The following PLEKHG4B variants were observed in gnomAD, a reference collection of about 807,000 sequenced individuals.
PLEKHG4B encodes pleckstrin homology domain-containing family G member 4B.
Under a neutral mutation model 121.3 loss-of-function variants are expected in PLEKHG4B, and 111 were observed. That is an observed-to-expected ratio of 0.92 (90% CI 0.78 to 1.07). The LOEUF (loss-of-function observed/expected upper bound fraction) is 1.07. PLEKHG4B is among the 50% of genes least tolerant of loss of function. The pLI, the probability that PLEKHG4B is intolerant of heterozygous loss-of-function variation, is 0.00. For missense variants in PLEKHG4B, 1,831 were observed against 1,757.8 expected (o/e 1.04, Z -0.74); for synonymous variants, 738 against 725.0 (o/e 1.02, Z -0.29).
rs373590005 is a variant in PLEKHG4B, at chr5:164,916, C to T, written c.3476+1368C>T. Among the ~76,000 whole-genome samples, 25 of 57,076 alleles carry T rather than the reference C, an allele frequency of 4.4e-4. 2 individuals carry two copies. The East Asian group carries it at 7.8e-3, about 18-fold the overall frequency. 37.4% of individuals were successfully genotyped at this position (57,076 alleles called of 152,430 possible). Reference sequence around the variant, plus strand: ...CTCACACAGTAATGCTGTGACGGGGCGGAGCTCACACTAATGCTGTGACGG... The same window carrying T: ...CTCACACAGTAATGCTGTGACGGGGTGGAGCTCACACTAATGCTGTGACGG... On this transcript the variant is annotated intron_variant, in intron 13 of 19. Coordinates refer to ENST00000637938, the MANE Select transcript of PLEKHG4B (RefSeq NM_052909.5).
chr5:136,153 C>T (rs1463299937), intron 2 of PLEKHG4B, among the ~76,000 whole-genome samples: 1 of 152,136 alleles, frequency 6.6e-6, no homozygotes, highest in Non-Finnish European at 1.5e-5. Context: ...ACCTAAACCC[C>T]ATTTACAAAA....
intron 1 of PLEKHG4B, among the ~76,000 whole-genome samples, chr5:105,838 C>G (rs1027140154): frequency 6.6e-6 from 1 of 152,140 alleles, no homozygotes; most frequent in East Asian, 1.9e-4. Flanking sequence ...ATCAACTGCT[C>G]TCCTGCAGAA....
At position 108,284 on chromosome 5, in the gene PLEKHG4B, C is replaced by A. The variant is rs1344928837; in HGVS notation, c.46-4967C>A. On this transcript the variant is annotated intron_variant, in intron 1 of 19. Coordinates refer to ENST00000637938, the MANE Select transcript of PLEKHG4B (RefSeq NM_052909.5). ...TCTTCAAAGAACGTAGAACAGAAAC[C>A]CAGAGAGGCAAGGCACACTCCCTTC... 3.3e-5 allele frequency among the ~76,000 whole-genome samples: 5 copies of A among 152,192 alleles called. No individual in the cohort carries two copies. The South Asian group carries it at 6.2e-4, about 19-fold the overall frequency.
chr5:148,409 CAA>C (rs1162296470), intron 6 of PLEKHG4B, among the ~76,000 whole-genome samples: 2 of 149,458 alleles, frequency 1.3e-5, no homozygotes, highest in African/African-American at 4.9e-5. Flanking sequence ...AGTCAACACA[CAA>C]ATATCAGTCA....
At chr5:94,861 C>T (rs2126323999) in intron 1 of PLEKHG4B, among the ~76,000 whole-genome samples, 1 of 152,224 alleles carries the variant, frequency 6.6e-6, no homozygotes, top group East Asian at 1.9e-4. Context: ...GAGCTTCAGT[C>T]TGTTCATTGT....
At position 181,598 on chromosome 5, in the gene PLEKHG4B, G is replaced by C. The variant is rs1404887089; in HGVS notation, c.4487G>C (p.Cys1496Ser). ...DVKPRDRTPD[C>S]AVISDRAPKC... ...AAGCCCAGAGACCGGACCCCTGACT[G>C]TGCAGTGATAAGCGACCGGGCTCCC... The change falls in exon 19 of 20, where the codon TGT becomes TCT. Residue 1496 changes from cysteine (C) to serine (S), a missense_variant. Coordinates refer to ENST00000637938, the MANE Select transcript of PLEKHG4B (RefSeq NM_052909.5). The C allele has an allele frequency of 6.2e-7, 1 of 1,613,922 alleles. No homozygotes were observed. Among genetic ancestry groups the C allele is most frequent in the Admixed American group, 1.7e-5 (1 of 60,022 alleles).
intron 2 of PLEKHG4B, among the ~76,000 whole-genome samples, chr5:126,673 A>G (rs1421535088): frequency 6.6e-6 from 1 of 152,120 alleles, no homozygotes; most frequent in African/African-American, 2.4e-5. Context: ...TTTGCTTTTT[A>G]TGTTGTTGAA....
At chr5:117,528 A>G (rs1435428174) in intron 2 of PLEKHG4B, among the ~76,000 whole-genome samples, 2 of 152,210 alleles carry the variant, frequency 1.3e-5, no homozygotes, top group African/African-American at 4.8e-5. Context: ...GTGATGGAGA[A>G]GACACATATC....
rs1020076105 is a variant in PLEKHG4B, at chr5:181,500, T to G, written c.4403-14T>G. The stretch of plus-strand genomic sequence containing the variant: ...GAGTTGCTTTGGAAACTGTCATACT[T>G]TCTTCTGTCTTAGAACTCAGAATCC... On this transcript the variant is annotated splice_polypyrimidine_tract_variant and intron_variant, in intron 18 of 19. Coordinates refer to ENST00000637938, the MANE Select transcript of PLEKHG4B (RefSeq NM_052909.5). 2 of 1,611,084 alleles carry G rather than the reference T, an allele frequency of 1.2e-6. No homozygotes were observed. The highest frequency in any genetic ancestry group is 3.4e-5 in the Admixed American group (2 of 59,646).
At chr5:92,604 G>A (rs1322107654) in intron 1 of PLEKHG4B, among the ~76,000 whole-genome samples, 1 of 151,422 alleles carries the variant, frequency 6.6e-6, no homozygotes, top group South Asian at 2.1e-4. Flanking sequence ...GGGACCTGCC[G>A]GCGGCTGCTG....
intron 6 of PLEKHG4B, among the ~76,000 whole-genome samples, chr5:145,776 CAG>C (rs1491310846): frequency 3.9e-5 from 6 of 152,108 alleles, no homozygotes; most frequent in East Asian, 1.9e-4. Context: ...AGACCAGGGA[CAG>C]GGGGGTCCAG....
intron 2 of PLEKHG4B, among the ~76,000 whole-genome samples, chr5:115,225 G>A (rs929459121): frequency 8.5e-5 from 13 of 152,222 alleles, no homozygotes; most frequent in Admixed American, 5.9e-4. Flanking sequence ...GTGACCACAT[G>A]TACTGTTGGT....
At chr5:147,447 C>T (rs1735455821) in intron 6 of PLEKHG4B, among the ~76,000 whole-genome samples, 1 of 152,192 alleles carries the variant, frequency 6.6e-6, no homozygotes, top group Non-Finnish European at 1.5e-5. Context: ...GGAAACAGAG[C>T]TGACCAGAGG....
intron 18 of PLEKHG4B, among the ~76,000 whole-genome samples, chr5:175,890 C>T (rs1736745685): frequency 2.1e-5 from 1 of 46,608 alleles, no homozygotes; most frequent in South Asian, 8.4e-4. Flanking sequence ...TGCACGGCTG[C>T]ACCCCGCCTG....
In PLEKHG4B at chr5:92,610, T is replaced by G. The variant is rs549728209; in HGVS notation, c.45+334T>G. On this transcript the variant is annotated intron_variant, in intron 1 of 19. Coordinates refer to ENST00000637938, the MANE Select transcript of PLEKHG4B (RefSeq NM_052909.5). Reference sequence around the variant, plus strand: ...GTGGGTCCTGGGACCTGCCGGCGGCTGCTGCGGGAACGGGAGGGAGCTTCT... The same window carrying G: ...GTGGGTCCTGGGACCTGCCGGCGGCGGCTGCGGGAACGGGAGGGAGCTTCT... 5.6e-3 allele frequency among the ~76,000 whole-genome samples: 847 copies of G among 151,388 alleles called. 13 individuals carry two copies. The highest frequency in any genetic ancestry group is 0.02 in the African/African-American group (806 of 41,174).
In PLEKHG4B at chr5:140,225, A is replaced by G; in HGVS notation, c.986A>G (p.Asp329Gly). 1 of 1,396,306 alleles carries G rather than the reference A, an allele frequency of 7.2e-7. No individual in the cohort carries two copies. The highest frequency in any genetic ancestry group is 9.5e-7 in the Non-Finnish European group (1 of 1,050,518). The allele number at this position is 1,396,306 out of a possible 1,614,324, so 86.5% of individuals were successfully genotyped here. ...DRPKALTFHT[D>G]LGIPSSRRRP... The stretch of plus-strand genomic sequence containing the variant: ...CCCAAGGCCCTCACCTTCCACACAG[A>G]CCTGGGCATCCCGAGCAGCAGGAGG... Residue 329 changes from aspartate to glycine, a missense_variant, in exon 3 of 20, where the codon GAC becomes GGC. Physicochemically the swap from Asp to Gly is moderately conservative, Grantham distance 94 (BLOSUM62 -1). Coordinates refer to ENST00000637938, the MANE Select transcript of PLEKHG4B (RefSeq NM_052909.5).
In PLEKHG4B at chr5:137,674, G is replaced by A. The variant is rs115716478; in HGVS notation, c.244-1809G>A. ...TCTGTTTTCTGGAAAAAGTCTAGTG[G>A]TGCGATTACAAGGACAAGTCACAAC... On this transcript the variant is annotated intron_variant, in intron 2 of 19. Coordinates refer to ENST00000637938, the MANE Select transcript of PLEKHG4B (RefSeq NM_052909.5). The surrounding 1 kb of genome is among the most constrained non-coding windows in gnomAD (Gnocchi z 4.2). 5.8e-3 allele frequency among the ~76,000 whole-genome samples: 886 copies of A among 152,310 alleles called. 11 individuals are homozygous for A. Among genetic ancestry groups the A allele is most frequent in the African/African-American group, 0.021 (868 of 41,570 alleles).
rs114178260 is a variant in PLEKHG4B, at chr5:143,120, C to T, written c.1551C>T (p.Ser517=). The change falls in exon 4 of 20, where the codon TCC becomes TCT. Residue 517 remains serine (S), a synonymous_variant. Coordinates refer to ENST00000637938, the MANE Select transcript of PLEKHG4B (RefSeq NM_052909.5). ...ATTGCCACAACCCCAGCGGGCCTTCCGATGTGCCTGCCCGGCAGCCACACC... is the reference window on the plus strand; with the variant it reads ...ATTGCCACAACCCCAGCGGGCCTTCTGATGTGCCTGCCCGGCAGCCACACC... The part of the protein sequence containing the change: ...SLHCHNPSGP[S]DVPARQPHPE... The T allele has an allele frequency of 7.9e-4, 1,267 of 1,612,876 alleles. 4 individuals carry two copies. The African/African-American group carries it at 0.014, about 18-fold the overall frequency.
chr5:171,600 C>T (rs1410362078), intron 16 of PLEKHG4B, among the ~76,000 whole-genome samples, 156 bp downstream of exon 16: 2 of 152,160 alleles, frequency 1.3e-5, no homozygotes, highest in Non-Finnish European at 1.5e-5. Context: ...AAGGCCGCAG[C>T]GGGGGCCACC....
Sources: allele counts gnomAD v4.1 joint callset (sites outside exome capture counted in the v4.1 genomes callset), GRCh38; gene constraint gnomAD v4.1.1; non-coding constraint Gnocchi (gnomAD v3.1); transcripts MANE v1.5; gene names NCBI Gene and HGNC (gene_info 2026-07-23, HGNC 2026-07-21).